The following ALOX5 variants were observed in gnomAD, a reference collection of about 807,000 sequenced individuals.
ALOX5 encodes the protein arachidonate 5-lipoxygenase.
A neutral mutation model predicts 87.9 loss-of-function variants in ALOX5; 64 were observed. The ratio of observed to expected loss-of-function variants is 0.73; its 90% CI spans 0.60 to 0.90. ALOX5 has a LOEUF of 0.90. ALOX5 is among the 40% of genes least tolerant of loss of function. The pLI is 0.00. For missense variants in ALOX5, 822 were observed against 907.5 expected, an observed-to-expected ratio of 0.91 and a Z score of 1.21; for synonymous variants, 388 against 355.1, an observed-to-expected ratio of 1.09 and a Z score of -1.04.
chr10:45,439,613 G>A lies in ALOX5; in HGVS notation c.982-817G>A, dbSNP rs1462529940. Among the ~76,000 whole-genome samples the A allele has an allele frequency of 2.0e-5, 3 of 152,342 alleles. No homozygotes were observed. The East Asian group carries it at 5.8e-4, about 29-fold the overall frequency. ...GGCTGCTGGCATGGAGGGACCTGGGGCTGGGTGCTGGTGTGGGGGCACGAA... is the reference window on the plus strand; with the variant it reads ...GGCTGCTGGCATGGAGGGACCTGGGACTGGGTGCTGGTGTGGGGGCACGAA... On this transcript the variant is annotated intron_variant, in intron 7 of 13. Coordinates refer to ENST00000374391, the MANE Select transcript of ALOX5 (RefSeq NM_000698.5).
intron 2 of ALOX5, among the ~76,000 whole-genome samples, chr10:45,383,612 G>A (rs11239502): frequency 0.016 from 2,444 of 152,294 alleles, 61 homozygotes; most frequent in African/African-American, 0.057. Context: ...GAAGTTTGGT[G>A]GGGTAGGTAG....
At chr10:45,385,982 T>C (rs577345635) in intron 2 of ALOX5, among the ~76,000 whole-genome samples, 1 of 152,094 alleles carries the variant, frequency 6.6e-6, no homozygotes, top group East Asian at 1.9e-4. Flanking sequence ...GCGGGAGGAT[T>C]GTTTGAGTCT....
intron 3 of ALOX5, among the ~76,000 whole-genome samples, chr10:45,408,668 C>T (rs1266063263): frequency 1.3e-5 from 2 of 152,092 alleles, no homozygotes; most frequent in East Asian, 1.9e-4. Context: ...CAATGAGGCA[C>T]GTTTAGCCAC....
At chr10:45,406,493 T>A (rs1052232053) in intron 3 of ALOX5, among the ~76,000 whole-genome samples, 1 of 152,202 alleles carries the variant, frequency 6.6e-6, no homozygotes, top group Non-Finnish European at 1.5e-5. Context: ...TGAGATTCAG[T>A]CTTTCCATCC....
intron 6 of ALOX5, among the ~76,000 whole-genome samples, chr10:45,427,136 GATAAC>G (rs1841735918): frequency 1.3e-5 from 2 of 152,220 alleles, no homozygotes; most frequent in African/African-American, 4.8e-5. Context: ...GGAGGCTTGG[GATAAC>G]AGAGAAATGC....
At chr10:45,429,767 T>A (rs3780909) in intron 7 of ALOX5, among the ~76,000 whole-genome samples, 76,633 of 151,950 alleles carry the variant, frequency 0.5, 19,614 homozygotes, top group East Asian at 0.65. Context: ...GTATACCCAC[T>A]GCTAAAATCC....
In ALOX5 at chr10:45,444,126, G is replaced by A; in HGVS notation, c.1685G>A (p.Cys562Tyr). Residue 562 changes from cysteine (C) to tyrosine (Y), a missense_variant, in exon 13 of 14, where the codon TGC becomes TAC. By Grantham distance (194) the Cys-to-Tyr change is radical. Transcript: ENST00000374391. ...AAVNFGQYDW[C>Y]SWIPNAPPTM... ...CGGTCGTCTCCGCAGTACGACTGGT[G>A]CTCCTGGATCCCCAATGCGCCCCCA... 2 of 1,544,960 alleles carry A rather than the reference G, an allele frequency of 1.3e-6. No individual in the cohort carries two copies. The highest frequency in any genetic ancestry group is 1.4e-5 in the African/African-American group (1 of 73,082).
intron 4 of ALOX5, among the ~76,000 whole-genome samples, chr10:45,417,110 G>T (rs1298017970): frequency 6.6e-6 from 1 of 152,108 alleles, no homozygotes; most frequent in Non-Finnish European, 1.5e-5. Context: ...TAAAATGAAA[G>T]TGTGACCCAC....
intron 4 of ALOX5, among the ~76,000 whole-genome samples, chr10:45,414,664 G>A (rs1335677425): frequency 1.3e-5 from 2 of 151,916 alleles, no homozygotes; most frequent in Non-Finnish European, 2.9e-5. Context: ...CTACAGAATG[G>A]GAAAAAAATT....
intron 5 of ALOX5, among the ~76,000 whole-genome samples, chr10:45,424,360 T>C (rs1175241412): frequency 2.0e-5 from 3 of 152,198 alleles, no homozygotes; most frequent in Non-Finnish European, 4.4e-5. Flanking sequence ...CCTCCTCAGA[T>C]ATTCAAGCTC....
chr10:45,376,628 G>A (rs992258669), intron 1 of ALOX5, among the ~76,000 whole-genome samples: 1 of 152,134 alleles, frequency 6.6e-6, no homozygotes, highest in South Asian at 2.1e-4. Context: ...CAGTAGTAAC[G>A]ATAACAATAA....
chr10:45,420,793 C>G (rs759546851), intron 4 of ALOX5, among the ~76,000 whole-genome samples: 4 of 152,264 alleles, frequency 2.6e-5, no homozygotes, highest in Non-Finnish European at 5.9e-5. Context: ...AAGCTGGTAG[C>G]AGAAGGAAAG....
chr10:45,376,041 T>C (rs1036006142), intron 1 of ALOX5, among the ~76,000 whole-genome samples: 1 of 152,158 alleles, frequency 6.6e-6, no homozygotes, highest in East Asian at 1.9e-4. Flanking sequence ...CATCATAAGG[T>C]TCTAGAAGCA....
At chr10:45,420,681 G>A (rs1384247695) in intron 4 of ALOX5, among the ~76,000 whole-genome samples, 1 of 152,240 alleles carries the variant, frequency 6.6e-6, no homozygotes, top group East Asian at 1.9e-4. Context: ...ATTCTGGCAC[G>A]CAGTTCCTCC....
Position 45,443,543 on chromosome 10 carries a change from G to A in ALOX5, c.1573+6G>A, listed in dbSNP as rs1185596804. ...GCGGGGCCGCAAGTCCTCAGGTAGG[G>A]CCTCCGGGACGTCTCCGGACCCGGC... On this transcript the variant is annotated splice_donor_region_variant and intron_variant, in intron 11 of 13. Coordinates refer to ENST00000374391, the MANE Select transcript of ALOX5 (RefSeq NM_000698.5). The A allele has an allele frequency of 6.2e-7, 1 of 1,610,154 alleles. No individual in the cohort carries two copies. Among genetic ancestry groups the A allele is most frequent in the Non-Finnish European group, 8.5e-7 (1 of 1,177,706 alleles).
chr10:45,418,915 A>G (rs2132784926), intron 4 of ALOX5, among the ~76,000 whole-genome samples: 1 of 152,288 alleles, frequency 6.6e-6, no homozygotes, highest in African/African-American at 2.4e-5. Context: ...GGGGCGGGAC[A>G]GTGCAGAAAT....
Position 45,395,927 on chromosome 10 carries a change from A to C in ALOX5, c.422A>C (p.Lys141Thr). 6.2e-7 allele frequency: 1 copy of C among 1,614,224 alleles called. No homozygotes were observed. Among genetic ancestry groups the C allele is most frequent in the Non-Finnish European group, 8.5e-7 (1 of 1,180,026 alleles). The stretch of plus-strand genomic sequence containing the variant: ...CGTAAAGAACTGGAAACACGGCAAA[A>C]ACAATATCGGTGAGTTATGACATCA... ...HRRKELETRQ[K>T]QYRWMEWNPG... The change falls in exon 3 of 14, where the codon AAA becomes ACA. Residue 141 changes from lysine to threonine, a missense_variant. By Grantham distance (78) the Lys-to-Thr change is moderately conservative. Transcript: ENST00000374391.
chr10:45,435,112 C>A (rs912656656), intron 7 of ALOX5, among the ~76,000 whole-genome samples: 2 of 152,138 alleles, frequency 1.3e-5, no homozygotes, highest in Admixed American at 6.5e-5. Context: ...TGGGGAAGGC[C>A]CAGCTCAGTG....
At chr10:45,432,996 A>G (rs776245537) in intron 7 of ALOX5, among the ~76,000 whole-genome samples, 1 of 152,268 alleles carries the variant, frequency 6.6e-6, no homozygotes, top group Non-Finnish European at 1.5e-5. Flanking sequence ...TGAGCAGAGA[A>G]TATGAATAGG....
Sources: allele counts gnomAD v4.1 joint callset (sites outside exome capture counted in the v4.1 genomes callset), GRCh38; gene constraint gnomAD v4.1.1; transcripts MANE v1.5; gene names NCBI Gene and HGNC (gene_info 2026-07-23, HGNC 2026-07-21).